The following TRHDE variants were observed in gnomAD, a reference collection of about 807,000 sequenced individuals.
TRHDE encodes thyrotropin releasing hormone degrading enzyme, also known as thyrotropin-releasing hormone-degrading ectoenzyme.
A neutral mutation model predicts 125.7 loss-of-function variants in TRHDE; 72 were observed. The ratio of observed to expected loss-of-function variants is 0.57; its 90% CI spans 0.47 to 0.70. TRHDE has a LOEUF of 0.70. Among genes scored for constraint, TRHDE ranks in the 30% least tolerant of loss-of-function variants. TRHDE has a pLI of 0.00. For missense variants in TRHDE, 1,110 were observed against 1,327.1 expected, an observed-to-expected ratio of 0.84 and a Z score of 2.54; for synonymous variants, 509 against 509.1, an observed-to-expected ratio of 1.00 and a Z score of 0.00.
At chr12:72,528,102 C>T (rs151332596) in intron 6 of TRHDE, among the ~76,000 whole-genome samples, 1 of 152,168 alleles carries the variant, frequency 6.6e-6, no homozygotes, top group African/African-American at 2.4e-5. Flanking sequence ...TAAGATTATG[C>T]CATCTTTTAT....
At chr12:72,515,741 C>A (rs936120741) in intron 6 of TRHDE, among the ~76,000 whole-genome samples, 12 of 151,890 alleles carry the variant, frequency 7.9e-5, no homozygotes, top group Non-Finnish European at 1.5e-4. Context: ...AATGGTAATG[C>A]CTAGGTTTTC....
chr12:72,350,163 A>T (rs753064516), intron 2 of TRHDE, among the ~76,000 whole-genome samples: 2 of 151,984 alleles, frequency 1.3e-5, no homozygotes, highest in Non-Finnish European at 2.9e-5. Flanking sequence ...TTCTTGCTGA[A>T]CTTACTGAGT....
Position 72,306,218 on chromosome 12 carries a change from TACAA to T in TRHDE, c.1188+19267_1188+19270del, listed in dbSNP as rs369384992. Among the ~76,000 whole-genome samples, 19 of 152,344 alleles carry T rather than the reference TACAA, an allele frequency of 1.2e-4. No homozygotes were observed. The South Asian group carries it at 3.9e-3, about 32-fold the overall frequency. On this transcript the variant is annotated intron_variant, in intron 2 of 18. Coordinates refer to ENST00000261180, the MANE Select transcript of TRHDE (RefSeq NM_013381.3). ...AATAGGACTTAGATAATCTACCTCT[TACAA>T]ACGTTTTCTATATTTGTGTATTCAC...
chr12:72,574,799 A>C (rs935959738), intron 10 of TRHDE, among the ~76,000 whole-genome samples: 2 of 152,138 alleles, frequency 1.3e-5, no homozygotes, highest in Non-Finnish European at 2.9e-5. Flanking sequence ...AAGCACAAGA[A>C]AAAGGCAAAC....
chr12:72,360,545 T>A (rs907228860), intron 2 of TRHDE, among the ~76,000 whole-genome samples: 4 of 151,814 alleles, frequency 2.6e-5, no homozygotes, highest in African/African-American at 9.7e-5. Context: ...CGTGGAACAC[T>A]ATTTCATACC....
At chr12:72,232,076 A>G (rs767763387) in intron 2 of TRHDE, among the ~76,000 whole-genome samples, 21 of 152,208 alleles carry the variant, frequency 1.4e-4, no homozygotes, top group Non-Finnish European at 2.6e-4. Context: ...GGGCCAAGAG[A>G]TAAAGAGACA....
intron 3 of TRHDE, among the ~76,000 whole-genome samples, chr12:72,419,563 G>T (rs183223003): frequency 3.9e-5 from 6 of 152,094 alleles, no homozygotes; most frequent in African/African-American, 1.4e-4. Context: ...TAAACAGCCA[G>T]ACCTCATGAA....
At chr12:72,412,565 C>T (rs925052679) in intron 3 of TRHDE, among the ~76,000 whole-genome samples, 3 of 152,026 alleles carry the variant, frequency 2.0e-5, no homozygotes, top group African/African-American at 7.2e-5. Context: ...TAAGTGTACT[C>T]TTGAGATACT....
At chr12:72,459,839 A>G (rs765386604) in intron 3 of TRHDE, among the ~76,000 whole-genome samples, 2 of 152,106 alleles carry the variant, frequency 1.3e-5, no homozygotes, top group African/African-American at 2.4e-5. Flanking sequence ...ACTGGTCTTG[A>G]ACTCCTGGGA....
chr12:72,567,674 A>T (rs1870513710), intron 9 of TRHDE, among the ~76,000 whole-genome samples: 1 of 152,038 alleles, frequency 6.6e-6, no homozygotes, highest in African/African-American at 2.4e-5. Flanking sequence ...TAAAACAGAA[A>T]AATATTTTTT....
intron 15 of TRHDE, among the ~76,000 whole-genome samples, chr12:72,640,716 G>C (rs914396353): frequency 2.6e-5 from 4 of 152,128 alleles, no homozygotes; most frequent in Admixed American, 6.5e-5. Context: ...GCTGTAGACC[G>C]GAGCTGTTCC....
At chr12:72,599,855 T>G (rs1872136295) in intron 12 of TRHDE, among the ~76,000 whole-genome samples, 1 of 152,092 alleles carries the variant, frequency 6.6e-6, no homozygotes, top group Non-Finnish European at 1.5e-5. Context: ...TATTTTCTTT[T>G]AGGGTTCTTA....
chr12:72,488,075 A>G (rs772067917), intron 5 of TRHDE, among the ~76,000 whole-genome samples: 2 of 152,136 alleles, frequency 1.3e-5, no homozygotes, highest in Non-Finnish European at 2.9e-5. Flanking sequence ...TTTTCAAATC[A>G]CAAAAGTGGA....
intron 5 of TRHDE, among the ~76,000 whole-genome samples, chr12:72,494,512 C>G (rs1022605810): frequency 6.6e-6 from 1 of 151,830 alleles, no homozygotes; most frequent in East Asian, 1.9e-4. Context: ...TTTTTGGTGA[C>G]AAAGTCAAAG....
chr12:72,144,369 G>A (rs1262720190), intron 2 of TRHDE, among the ~76,000 whole-genome samples: 1 of 152,212 alleles, frequency 6.6e-6, no homozygotes, highest in Admixed American at 6.5e-5. Flanking sequence ...CTAATTGCTA[G>A]CTGATTGTGC....
chr12:72,546,311 GC>G (rs1869414737), intron 7 of TRHDE, among the ~76,000 whole-genome samples: 1 of 151,584 alleles, frequency 6.6e-6, no homozygotes, highest in African/African-American at 2.4e-5. Context: ...CAAACCTTCA[GC>G]TGAGAATTTA....
At chr12:72,445,607 C>T (rs555227241) in intron 3 of TRHDE, among the ~76,000 whole-genome samples, 22 of 151,924 alleles carry the variant, frequency 1.4e-4, no homozygotes, top group African/African-American at 4.6e-4. Context: ...CCAAATATAT[C>T]GTTCATCTTA....
chr12:72,145,936 TA>T (rs902295281), intron 2 of TRHDE, among the ~76,000 whole-genome samples: 1 of 152,226 alleles, frequency 6.6e-6, no homozygotes, highest in African/African-American at 2.4e-5. Flanking sequence ...TAGAGATTCC[TA>T]AAAGTAAACT....
At chr12:72,400,978 A>C (rs1873018024) in intron 3 of TRHDE, among the ~76,000 whole-genome samples, 1 of 152,118 alleles carries the variant, frequency 6.6e-6, no homozygotes, top group Non-Finnish European at 1.5e-5. Context: ...TATTTAGGGA[A>C]TTTTTTATAA....
Sources: gnomAD v4.1 joint callset for allele counts (sites outside exome capture counted in the v4.1 genomes callset) on GRCh38, gnomAD v4.1.1 for gene constraint, MANE v1.5 for transcripts, NCBI Gene and HGNC (gene_info 2026-07-23, HGNC 2026-07-21) for gene names.